The following PCCB variants were observed in gnomAD, a reference collection of about 807,000 sequenced individuals.
The protein encoded by PCCB is propionyl-CoA carboxylase subunit beta.
In PCCB, 43 loss-of-function variants were observed where a neutral mutation model predicts 60.7. The observed-to-expected ratio is 0.71, with a 90% confidence interval of 0.55 to 0.91. The LOEUF is 0.91. Among genes scored for constraint, PCCB ranks in the 40% least tolerant of loss-of-function variants. The pLI is 0.00. For synonymous variants in PCCB, 276 were observed against 255.9 expected, an observed-to-expected ratio of 1.08 and a Z score of -0.75; for missense variants, 766 against 702.8, an observed-to-expected ratio of 1.09 and a Z score of -1.02.
At chr3:136,325,205 T>G (rs1935261140) in intron 10 of PCCB, among the ~76,000 whole-genome samples, 1 of 151,864 alleles carries the variant, frequency 6.6e-6, no homozygotes, top group South Asian at 2.1e-4. Context: ...TTTTTGTTCT[T>G]TTAGAGACAG....
intron 6 of PCCB, among the ~76,000 whole-genome samples, chr3:136,286,802 G>A (rs1052390604): frequency 3.3e-5 from 5 of 151,926 alleles, no homozygotes; most frequent in Admixed American, 2.0e-4. Flanking sequence ...AGGCTGAGGC[G>A]GGTGGATCAC....
chr3:136,310,693 A>G lies in PCCB; in HGVS notation c.967-6248A>G, dbSNP rs140416721. Among the ~76,000 whole-genome samples, 189 of 152,364 alleles carry G rather than the reference A, an allele frequency of 1.2e-3. 1 individual carries two copies. Among genetic ancestry groups the G allele is most frequent in the African/African-American group, 4.2e-3 (174 of 41,592 alleles). On this transcript the variant is annotated intron_variant, in intron 9 of 14. Coordinates refer to ENST00000251654, the MANE Select transcript of PCCB (RefSeq NM_000532.5). ...TATGATATCAGTACCTGAACCTGAT[A>G]AAGGTAGTACTTAAGATTTCAGTTT...
chr3:136,254,548 T>TTTTTTAA (rs1411852644), intron 1 of PCCB, among the ~76,000 whole-genome samples: 2 of 130,350 alleles, frequency 1.5e-5, no homozygotes, highest in Admixed American at 7.5e-5. Flanking sequence ...TTTTTTTTTT[T>TTTTTTAA]AAAAGACAGG....
rs372020160 is a variant in PCCB, at chr3:136,298,086, C to T, written c.884+14C>T. On this transcript the variant is annotated intron_variant, in intron 8 of 14. Transcript: ENST00000251654. ...CCACGATCCCAGGTGGGTTGTAGGC[C>T]GGTGCACCTTCTCTCATTTTGCAGT... 35 of 1,613,888 alleles carry T rather than the reference C, an allele frequency of 2.2e-5. No individual in the cohort carries two copies. Among genetic ancestry groups the T allele is most frequent in the Middle Eastern group, 1.6e-4 (1 of 6,080 alleles).
At chr3:136,260,987 A>T (rs1376316628) in intron 4 of PCCB, among the ~76,000 whole-genome samples, 2 of 152,208 alleles carry the variant, frequency 1.3e-5, no homozygotes. Context: ...TCTAATACTG[A>T]GGCTCATTGC....
At chr3:136,279,659 TTTTATTTA>T (rs746194509) in intron 5 of PCCB, among the ~76,000 whole-genome samples, 7 of 152,050 alleles carry the variant, frequency 4.6e-5, no homozygotes, top group Non-Finnish European at 7.4e-5. Context: ...TGCATTTTAT[TTTTATTTA>T]TTTATTTATT....
chr3:136,310,667 G>A (rs751727185), intron 9 of PCCB, among the ~76,000 whole-genome samples: 1 of 152,128 alleles, frequency 6.6e-6, no homozygotes, highest in African/African-American at 2.4e-5. Flanking sequence ...TTTAAAAGAA[G>A]TATGATATCA....
intron 6 of PCCB, among the ~76,000 whole-genome samples, chr3:136,285,180 A>G (rs1042421385): frequency 6.6e-6 from 1 of 151,594 alleles, no homozygotes; most frequent in Non-Finnish European, 1.5e-5. Flanking sequence ...AAGTCTATAT[A>G]TACACACCTA....
At chr3:136,270,049 C>A (rs990235873) in intron 5 of PCCB, among the ~76,000 whole-genome samples, 4 of 125,290 alleles carry the variant, frequency 3.2e-5, no homozygotes, top group African/African-American at 9.1e-5. Flanking sequence ...CTTTCTACTT[C>A]TAATTTTTTG....
At chr3:136,304,116 T>G (rs1209772624) in intron 9 of PCCB, among the ~76,000 whole-genome samples, 1 of 118,972 alleles carries the variant, frequency 8.4e-6, no homozygotes, top group Non-Finnish European at 1.9e-5. Flanking sequence ...TTGCTCTCAG[T>G]GCATGCAGAA....
intron 7 of PCCB, among the ~76,000 whole-genome samples, chr3:136,295,665 A>G (rs1420908721): frequency 6.6e-6 from 1 of 152,222 alleles, no homozygotes; most frequent in Non-Finnish European, 1.5e-5. Context: ...TGTTTGTAGT[A>G]CAAAACTTAG....
chr3:136,322,061 T>G (rs955748221), intron 10 of PCCB, among the ~76,000 whole-genome samples: 2 of 152,226 alleles, frequency 1.3e-5, no homozygotes, highest in African/African-American at 2.4e-5. Context: ...CAGGAAAACT[T>G]CTAGTTTCTT....
At chr3:136,253,409 G>T (rs762762442) in intron 1 of PCCB, among the ~76,000 whole-genome samples, 1 of 151,538 alleles carries the variant, frequency 6.6e-6, no homozygotes, top group African/African-American at 2.4e-5. Flanking sequence ...TCTTAAGACA[G>T]GGTCTCACCT....
intron 3 of PCCB, among the ~76,000 whole-genome samples, chr3:136,258,823 T>TA: frequency 6.6e-6 from 1 of 152,148 alleles, no homozygotes. Context: ...AGACTTCTGT[T>TA]AGTCTCTGTT....
chr3:136,296,355 A>G (rs146256648), intron 7 of PCCB, among the ~76,000 whole-genome samples: 91 of 152,338 alleles, frequency 6.0e-4, no homozygotes, highest in Non-Finnish European at 1.2e-3. Flanking sequence ...AAATGGAATC[A>G]TATAATATGT....
At chr3:136,290,253 C>G (rs1933611829) in intron 6 of PCCB, among the ~76,000 whole-genome samples, 1 of 152,104 alleles carries the variant, frequency 6.6e-6, no homozygotes, top group African/African-American at 2.4e-5. Flanking sequence ...TTGAGAAGGT[C>G]TGTATTTTTC....
At chr3:136,260,223 G>T (rs146324861) in intron 3 of PCCB, 3 of 520,842 alleles carry the variant, frequency 5.8e-6, no homozygotes, top group African/African-American at 3.9e-5. Flanking sequence ...CCAGGCATGT[G>T]CCACCATGCG....
intron 5 of PCCB, among the ~76,000 whole-genome samples, chr3:136,268,847 T>C (rs1039989366): frequency 6.6e-6 from 1 of 152,206 alleles, no homozygotes; most frequent in African/African-American, 2.4e-5. Context: ...GGTGAGAATT[T>C]ACATCCTAAC....
chr3:136,281,636 T>C (rs189978479), intron 5 of PCCB, among the ~76,000 whole-genome samples: 96 of 152,250 alleles, frequency 6.3e-4, no homozygotes, highest in African/African-American at 2.3e-3. Context: ...TGATTTTTGT[T>C]AAATTATTTT....
Sources: gnomAD v4.1 joint callset for allele counts (sites outside exome capture counted in the v4.1 genomes callset) on GRCh38, gnomAD v4.1.1 for gene constraint, MANE v1.5 for transcripts, NCBI Gene and HGNC (gene_info 2026-07-23, HGNC 2026-07-21) for gene names.